ERCC6: variants seen among roughly 807,000 people sequenced by gnomAD.
ERCC6 encodes the protein DNA excision repair protein ERCC-6.
ERCC6 carries 116 observed loss-of-function variants against 158.7 expected under a neutral mutation model. The ratio of observed to expected loss-of-function variants is 0.73; its 90% CI spans 0.63 to 0.85. The LOEUF (loss-of-function observed/expected upper bound fraction) is 0.85. Ranked by LOEUF, ERCC6 falls within the 40% of genes least tolerant of loss-of-function variation. The pLI is 0.00. For missense variants in ERCC6, 1,698 were observed against 1,799.4 expected, an observed-to-expected ratio of 0.94 and a Z score of 1.02; for synonymous variants, 678 against 659.3, an observed-to-expected ratio of 1.03 and a Z score of -0.43.
At position 49,456,133 on chromosome 10, in the gene ERCC6, A is replaced by G. The variant is rs1474385428; in HGVS notation, c.*2682T>C. 3 of 152,240 alleles carry G rather than the reference A, an allele frequency of 2.0e-5. No homozygotes were observed. The highest frequency in any genetic ancestry group is 4.4e-5 in the Non-Finnish European group (3 of 68,044). The allele number at this position is 152,240 out of a possible 1,614,324, so 9.4% of individuals were successfully genotyped here. On this transcript the variant is annotated 3_prime_UTR_variant, in exon 21 of 21. Transcript: ENST00000355832. ...TAAAGCAAACTAATTGCTATAATAG[A>G]CTTCAAAAGACAGTAGCTTAAGCAA...
chr10:49,495,898 T>C (rs1463670351), intron 7 of ERCC6, among the ~76,000 whole-genome samples: 2 of 152,244 alleles, frequency 1.3e-5, no homozygotes, highest in Non-Finnish European at 2.9e-5. Context: ...CAGTAAAATT[T>C]GAATTCCTCA....
intron 7 of ERCC6, among the ~76,000 whole-genome samples, chr10:49,498,037 A>G (rs1851295604): frequency 6.6e-6 from 1 of 152,246 alleles, no homozygotes; most frequent in South Asian, 2.1e-4. Context: ...GCCTATCATT[A>G]TAATATGAAT....
chr10:49,488,652 T>C (rs1310694139), intron 8 of ERCC6, among the ~76,000 whole-genome samples: 1 of 152,056 alleles, frequency 6.6e-6, no homozygotes, highest in Non-Finnish European at 1.5e-5. Context: ...CTTTTTTTTT[T>C]TTTTTTAAAG....
At chr10:49,472,265 T>C in intron 16 of ERCC6, 111 bp downstream of exon 16, 12 of 958,458 alleles carry the variant, frequency 1.3e-5, no homozygotes, top group Non-Finnish European at 1.5e-5. Context: ...CCTTAAGTTA[T>C]AGCAACTATT....
At chr10:49,451,043 C>A (rs1850414842), downstream of ERCC6, among the ~76,000 whole-genome samples, 1 of 152,068 alleles carries the variant, frequency 6.6e-6, no homozygotes, top group Admixed American at 6.6e-5. Context: ...GATCTCCTGA[C>A]CTCATGATCC....
chr10:49,452,233 C>T (rs1850428829), downstream of ERCC6, among the ~76,000 whole-genome samples: 1 of 151,906 alleles, frequency 6.6e-6, no homozygotes, highest in African/African-American at 2.4e-5. Context: ...CAGGCATTTA[C>T]ACCTATAAAT....
chr10:49,439,353 T>C, the ERCC6 span, among the ~76,000 whole-genome samples: 1 of 152,254 alleles, frequency 6.6e-6, no homozygotes, highest in South Asian at 2.1e-4. Context: ...GCTTGGGGCT[T>C]GCACCATCTG....
At chr10:49,507,837 T>C (rs1297553191) in intron 5 of ERCC6, among the ~76,000 whole-genome samples, 1 of 152,146 alleles carries the variant, frequency 6.6e-6, no homozygotes, top group African/African-American at 2.4e-5. Context: ...TAAAAAGTTA[T>C]CAAGTCTCAA....
chr10:49,507,033 T>A (rs935377150), intron 5 of ERCC6, among the ~76,000 whole-genome samples: 6 of 150,500 alleles, frequency 4.0e-5, no homozygotes, highest in African/African-American at 1.5e-4. Context: ...TATGCAAGAG[T>A]AAGAGAGAAT....
At chr10:49,447,941 T>A in the ERCC6 span, among the ~76,000 whole-genome samples, 1 of 152,342 alleles carries the variant, frequency 6.6e-6, no homozygotes, top group South Asian at 2.1e-4. Flanking sequence ...TATTCATCTG[T>A]CAATGGACGC....
chr10:49,472,367 T>C lies in ERCC6; in HGVS notation c.2924+9A>G. ...CGCACAGCCAAGAGTGGCCACTGTGTGCACTGACCGGTGGTAGATCTTTTC... is the reference window on the plus strand; with the variant it reads ...CGCACAGCCAAGAGTGGCCACTGTGCGCACTGACCGGTGGTAGATCTTTTC... On this transcript the variant is annotated intron_variant, in intron 16 of 20. Coordinates refer to ENST00000355832, the MANE Select transcript of ERCC6 (RefSeq NM_000124.4). 1 of 1,612,862 alleles carries C rather than the reference T, an allele frequency of 6.2e-7. No homozygotes were observed. The highest frequency in any genetic ancestry group is 8.5e-7 in the Non-Finnish European group (1 of 1,179,012).
intron 19 of ERCC6, among the ~76,000 whole-genome samples, chr10:49,460,715 G>A (rs1404990515): frequency 1.3e-5 from 2 of 152,116 alleles, no homozygotes; most frequent in Non-Finnish European, 2.9e-5. Context: ...GAGGTCAGGA[G>A]GTCGAGACTA....
intron 6 of ERCC6, chr10:49,504,974 C>A (rs903585814): frequency 2.6e-5 from 4 of 152,242 alleles, no homozygotes; most frequent in African/African-American, 9.6e-5. Context: ...TTTAAGTAGA[C>A]TTCTTCCACA....
At chr10:49,481,009 A>C (rs1850969193) in intron 10 of ERCC6, among the ~76,000 whole-genome samples, 1 of 152,184 alleles carries the variant, frequency 6.6e-6, no homozygotes, top group African/African-American at 2.4e-5. Context: ...ATTAATGTTA[A>C]ACTTCGTTCT....
intron 8 of ERCC6, 75 bp downstream of exon 8, chr10:49,493,042 G>T: frequency 6.8e-7 from 1 of 1,462,256 alleles, no homozygotes. Flanking sequence ...AGAAACACAT[G>T]GATCAGAGAA....
At chr10:49,536,323 G>A (rs1837597907) in intron 1 of ERCC6, among the ~76,000 whole-genome samples, 1 of 152,094 alleles carries the variant, frequency 6.6e-6, no homozygotes, top group Non-Finnish European at 1.5e-5. Flanking sequence ...ACTAGGGCAA[G>A]AAAAACTAGA....
chr10:49,448,063 A>G, the ERCC6 span, among the ~76,000 whole-genome samples: 2 of 152,224 alleles, frequency 1.3e-5, no homozygotes, highest in Admixed American at 1.3e-4. Flanking sequence ...ACAAAGTATA[A>G]TTGTTGGATC....
chr10:49,529,687 C>T (rs1418295607), intron 3 of ERCC6, among the ~76,000 whole-genome samples: 4 of 152,110 alleles, frequency 2.6e-5, no homozygotes, highest in Non-Finnish European at 5.9e-5. Flanking sequence ...ACGCACAGCC[C>T]TGCCCCTGGA....
chr10:49,538,825 C>G (rs1362349991), intron 1 of ERCC6, 137 bp downstream of exon 1: 2 of 152,302 alleles, frequency 1.3e-5, no homozygotes, highest in African/African-American at 2.4e-5. Flanking sequence ...GCCCTAAGAC[C>G]CGCTACAGTG....
Sources: allele counts gnomAD v4.1 joint callset (sites outside exome capture counted in the v4.1 genomes callset), GRCh38; gene constraint gnomAD v4.1.1; transcripts MANE v1.5; gene names NCBI Gene and HGNC (gene_info 2026-07-23, HGNC 2026-07-21).